Variants in ZMYM4 observed in about 807,000 individuals in gnomAD.
ZMYM4 encodes zinc finger MYM-type containing 4, also known as zinc finger MYM-type protein 4.
Under a neutral mutation model 183.2 loss-of-function variants are expected in ZMYM4, and 31 were observed. That is an observed-to-expected ratio of 0.17 (90% CI 0.13 to 0.23). The LOEUF (loss-of-function observed/expected upper bound fraction) is 0.23. ZMYM4 is among the 10% of genes least tolerant of loss of function. ZMYM4 has a pLI of 1.00. For missense variants in ZMYM4, 1,273 were observed against 1,840.3 expected, an observed-to-expected ratio of 0.69 and a Z score of 5.64; for synonymous variants, 592 against 631.2, an observed-to-expected ratio of 0.94 and a Z score of 0.93.
At chr1:35,393,810 G>T in intron 18 of ZMYM4, 71 bp downstream of exon 18, 1 of 1,445,834 alleles carries the variant, frequency 6.9e-7, no homozygotes, top group South Asian at 1.5e-5. Context: ...CTTACATTGA[G>T]TACCTGCTAT....
At chr1:35,353,492 T>C (rs1643704482) in intron 2 of ZMYM4, among the ~76,000 whole-genome samples, 1 of 152,214 alleles carries the variant, frequency 6.6e-6, no homozygotes, top group African/African-American at 2.4e-5. Flanking sequence ...TCTTTTCTCA[T>C]TTTTTAATCA....
At position 35,277,503 on chromosome 1, in the gene ZMYM4, G is replaced by A. The variant is rs538552706; in HGVS notation, c.39+8418G>A. 1.8e-4 allele frequency among the ~76,000 whole-genome samples: 27 copies of A among 152,274 alleles called. 1 individual carries two copies. Among genetic ancestry groups the A allele is most frequent in the Admixed American group, 1.7e-3 (26 of 15,292 alleles). ...TGGATCGTTCTAGGAGGTAACTTAA[G>A]TGGTGGTTCTACTTTTAGTGATACT... On this transcript the variant is annotated intron_variant, in intron 1 of 29. Coordinates refer to ENST00000314607, the MANE Select transcript of ZMYM4 (RefSeq NM_005095.3).
At chr1:35,378,435 G>A (rs1446898803) in intron 7 of ZMYM4, among the ~76,000 whole-genome samples, 1 of 152,148 alleles carries the variant, frequency 6.6e-6, no homozygotes, top group Non-Finnish European at 1.5e-5. Flanking sequence ...ATAATGAGTT[G>A]CAAAAGTTGA....
Position 35,275,936 on chromosome 1 carries a change from C to T in ZMYM4, c.39+6851C>T, listed in dbSNP as rs574816557. Reference sequence around the variant, plus strand: ...TCATACCTATACCCACTTTCTTGTACTTAGGAAATATTTATATTGTTATTT... The same window carrying T: ...TCATACCTATACCCACTTTCTTGTATTTAGGAAATATTTATATTGTTATTT... On this transcript the variant is annotated intron_variant, in intron 1 of 29. Coordinates refer to ENST00000314607, the MANE Select transcript of ZMYM4 (RefSeq NM_005095.3). Among the ~76,000 whole-genome samples, 4 of 152,266 alleles carry T rather than the reference C, an allele frequency of 2.6e-5. No homozygotes were observed. In the South Asian group the frequency reaches 8.3e-4, roughly 32 times the overall value.
intron 6 of ZMYM4, 33 bp from the exon 7 acceptor site, chr1:35,370,337 AAT>A: frequency 5.6e-6 from 6 of 1,077,274 alleles, no homozygotes; most frequent in Non-Finnish European, 6.3e-6. Context: ...TTTTTCTTTC[AAT>A]TTTTTTTTTT....
At chr1:35,280,260 T>TTCTC (rs140943218) in intron 1 of ZMYM4, among the ~76,000 whole-genome samples, 9 of 129,150 alleles carry the variant, frequency 7.0e-5, no homozygotes, top group African/African-American at 1.1e-4. Flanking sequence ...CTTTCTCTCT[T>TTCTC]TCTCTCTCTC....
chr1:35,304,165 C>G (rs561237810), intron 1 of ZMYM4, among the ~76,000 whole-genome samples: 29 of 152,148 alleles, frequency 1.9e-4, no homozygotes, highest in African/African-American at 7.0e-4. Context: ...GCTGGGATTA[C>G]CGGTGCATAC....
intron 2 of ZMYM4, among the ~76,000 whole-genome samples, chr1:35,337,783 A>C (rs948638985): frequency 1.6e-4 from 24 of 151,944 alleles, no homozygotes; most frequent in Non-Finnish European, 2.8e-4. Context: ...TACTAAAAAT[A>C]CAGAAATCAG....
intron 18 of ZMYM4, among the ~76,000 whole-genome samples, chr1:35,395,531 T>G (rs1224838318): frequency 6.6e-6 from 1 of 152,176 alleles, no homozygotes; most frequent in Non-Finnish European, 1.5e-5. Context: ...TCTCCTAGAT[T>G]AATGATTTTA....
intron 1 of ZMYM4, among the ~76,000 whole-genome samples, 166 bp downstream of exon 1, chr1:35,269,251 C>T (rs934450472): frequency 8.3e-6 from 1 of 120,994 alleles, no homozygotes. Flanking sequence ...CGAGCGGTCC[C>T]TCGGCAGGTG....
intron 1 of ZMYM4, among the ~76,000 whole-genome samples, chr1:35,310,760 T>C (rs1021270497): frequency 6.6e-6 from 1 of 152,044 alleles, no homozygotes; most frequent in Non-Finnish European, 1.5e-5. Flanking sequence ...ATATTTTTAG[T>C]AGAGACAAGG....
chr1:35,387,416 A>G (rs771501295), intron 12 of ZMYM4, 38 bp from the exon 13 acceptor site: 1 of 1,578,698 alleles, frequency 6.3e-7, no homozygotes, highest in South Asian at 1.2e-5. Flanking sequence ...AAGACAAACC[A>G]AATGTTTAAT....
chr1:35,279,680 C>G (rs1640047713), intron 1 of ZMYM4, among the ~76,000 whole-genome samples: 1 of 152,184 alleles, frequency 6.6e-6, no homozygotes, highest in Admixed American at 6.5e-5. Context: ...GTACCTTCAG[C>G]ACTTTGCTTG....
chr1:35,415,271 C>T (rs1640069838), intron 27 of ZMYM4, among the ~76,000 whole-genome samples, 195 bp from the exon 28 acceptor site: 1 of 152,124 alleles, frequency 6.6e-6, no homozygotes, highest in Non-Finnish European at 1.5e-5. Flanking sequence ...GGAGACTCCA[C>T]GAACGGTGTC....
intron 2 of ZMYM4, chr1:35,351,199 G>A (rs1643593224): frequency 7.2e-6 from 10 of 1,382,030 alleles, no homozygotes; most frequent in Non-Finnish European, 9.2e-6. Context: ...AAAGTTTTGG[G>A]TACCCTGAAG....
At chr1:35,382,154 AAAAAC>A (rs1644472329) in intron 9 of ZMYM4, among the ~76,000 whole-genome samples, 1 of 149,346 alleles carries the variant, frequency 6.7e-6, no homozygotes, top group African/African-American at 2.5e-5. Context: ...TCAAAAAAAA[AAAAAC>A]AAAAATGTAT....
chr1:35,360,230 T>C (rs954288686), intron 3 of ZMYM4, among the ~76,000 whole-genome samples: 2 of 152,120 alleles, frequency 1.3e-5, no homozygotes, highest in African/African-American at 4.8e-5. Flanking sequence ...TCATTATTTA[T>C]AGTACTTATC....
At chr1:35,354,769 G>A (rs1021838766) in intron 2 of ZMYM4, among the ~76,000 whole-genome samples, 26 of 147,418 alleles carry the variant, frequency 1.8e-4, no homozygotes, top group African/African-American at 6.5e-4. Context: ...TGAATTGTTG[G>A]GTCAAGAGTT....
chr1:35,356,002 C>T (rs1446102618), intron 2 of ZMYM4, among the ~76,000 whole-genome samples: 2 of 152,056 alleles, frequency 1.3e-5, no homozygotes, highest in Non-Finnish European at 2.9e-5. Flanking sequence ...CTGAGGTGGG[C>T]GGATTGCTTG....
Sources: gnomAD v4.1 joint callset for allele counts (sites outside exome capture counted in the v4.1 genomes callset) on GRCh38, gnomAD v4.1.1 for gene constraint, MANE v1.5 for transcripts, NCBI Gene and HGNC (gene_info 2026-07-23, HGNC 2026-07-21) for gene names.